RAB37: variants seen among roughly 807,000 people sequenced by gnomAD.
RAB37 encodes the protein ras-related protein Rab-37.
Under a neutral mutation model 33.1 loss-of-function variants are expected in RAB37, and 29 were observed. The ratio of observed to expected loss-of-function variants is 0.88; its 90% CI spans 0.65 to 1.20. The LOEUF (loss-of-function observed/expected upper bound fraction) is 1.20, where lower values mean the gene tolerates loss of function less well. RAB37 is among the 50% of genes most tolerant of loss of function. RAB37 has a pLI of 0.00. For missense variants in RAB37, 299 were observed against 301.1 expected (o/e 0.99, Z 0.05); for synonymous variants, 128 against 119.5 (o/e 1.07, Z -0.47).
At chr17:74,674,955 G>A (rs2031793099) in intron 1 of RAB37, among the ~76,000 whole-genome samples, 1 of 152,172 alleles carries the variant, frequency 6.6e-6, no homozygotes, top group African/African-American at 2.4e-5. Context: ...AAGAGATATT[G>A]TCGTATGATG....
At chr17:74,737,088 C>A (rs1430262330), upstream of RAB37, 3 of 1,605,058 alleles carry the variant, frequency 1.9e-6, no homozygotes, top group East Asian at 2.2e-5. Context: ...GCAGACCCTG[C>A]GGCTCTGCGT....
At chr17:74,699,793 A>G (rs1277395614) in intron 1 of RAB37, among the ~76,000 whole-genome samples, 1 of 152,108 alleles carries the variant, frequency 6.6e-6, no homozygotes, top group African/African-American at 2.4e-5. Flanking sequence ...TCATTGCCAC[A>G]GCAGCCGGGG....
chr17:74,731,487 G>C (rs1344376791), intron 2 of RAB37, among the ~76,000 whole-genome samples: 1 of 152,200 alleles, frequency 6.6e-6, no homozygotes, highest in Non-Finnish European at 1.5e-5. Flanking sequence ...CCCAGGTCCT[G>C]TGTAGATGCC....
intron 1 of RAB37, among the ~76,000 whole-genome samples, chr17:74,720,677 A>G (rs544221309): frequency 1.3e-5 from 2 of 152,312 alleles, no homozygotes; most frequent in East Asian, 3.9e-4. Flanking sequence ...AGCTCAGCGG[A>G]GAGTCAAGGT....
intron 2 of RAB37, among the ~76,000 whole-genome samples, chr17:74,731,479 C>T (rs1364887903): frequency 6.6e-6 from 1 of 152,182 alleles, no homozygotes; most frequent in African/African-American, 2.4e-5. Context: ...GGGACCTGCC[C>T]AGGTCCTGTG....
intron 1 of RAB37, among the ~76,000 whole-genome samples, chr17:74,696,447 C>T (rs2032484585): frequency 1.3e-5 from 2 of 152,332 alleles, no homozygotes; most frequent in African/African-American, 4.8e-5. Flanking sequence ...ACCCCAGCCC[C>T]CTGCTCCCCA....
chr17:74,715,162 C>T (rs1218535726), intron 1 of RAB37, among the ~76,000 whole-genome samples: 1 of 152,102 alleles, frequency 6.6e-6, no homozygotes, highest in Non-Finnish European at 1.5e-5. Flanking sequence ...AAGGATTAGA[C>T]CTTTCTCACC....
chr17:74,739,516 T>A (rs2034556029), intron 1 of RAB37, among the ~76,000 whole-genome samples: 1 of 149,938 alleles, frequency 6.7e-6, no homozygotes, highest in Non-Finnish European at 1.5e-5. Flanking sequence ...CTTCCCTAAT[T>A]CATGCAACCT....
At chr17:74,735,260 C>A (rs1044892909), upstream of RAB37, among the ~76,000 whole-genome samples, 5 of 151,986 alleles carry the variant, frequency 3.3e-5, no homozygotes, top group African/African-American at 1.2e-4. Context: ...GCATACCAGG[C>A]CAGGTGCGGT....
intron 1 of RAB37, among the ~76,000 whole-genome samples, chr17:74,679,442 T>C (rs1294002756): frequency 6.6e-6 from 1 of 152,142 alleles, no homozygotes. Context: ...CCACCTCAGG[T>C]TTCATTTGGT....
intron 1 of RAB37, among the ~76,000 whole-genome samples, chr17:74,675,998 T>C (rs542065625): frequency 6.6e-6 from 1 of 152,198 alleles, no homozygotes; most frequent in Non-Finnish European, 1.5e-5. Flanking sequence ...ACCTGGCTGC[T>C]CTTTTCCTTA....
At position 74,738,046 on chromosome 17, in the gene RAB37, G is replaced by T. The variant is rs1038460635; in HGVS notation, c.93+681G>T. On this transcript the variant is annotated intron_variant, in intron 1 of 8. Coordinates refer to ENST00000392613, the MANE Select transcript of RAB37 (RefSeq NM_001006638.3). The surrounding 1 kb of genome is among the most constrained non-coding windows in gnomAD (Gnocchi z 5.0). ...CTCTCTGGGGCTTGCTCCCTCTACA[G>T]GGGTGTCCTGTATGGAAACAGGTAG... Among the ~76,000 whole-genome samples, 2 of 152,194 alleles carry T rather than the reference G, an allele frequency of 1.3e-5. No homozygotes were observed. Among genetic ancestry groups the T allele is most frequent in the Admixed American group, 1.3e-4 (2 of 15,280 alleles).
rs138467314 is a variant in RAB37 at position 74,708,628 on chromosome 17, A to C, written c.73-20628A>C. Reference sequence around the variant, plus strand: ...AATGGTTTTTAACATTAAAAAATCAATAAGGAGGCTGGACGCGGTGGCTTA... The same window carrying C: ...AATGGTTTTTAACATTAAAAAATCACTAAGGAGGCTGGACGCGGTGGCTTA... On this transcript the variant is annotated intron_variant, in intron 1 of 7. Coordinates refer to the RAB37 transcript ENST00000340415. Among the ~76,000 whole-genome samples, 10 of 152,362 alleles carry C rather than the reference A, an allele frequency of 6.6e-5. No homozygotes were observed. The East Asian group carries it at 1.9e-3, about 29-fold the overall frequency.
At chr17:74,708,912 T>C (rs1224250705) in intron 1 of RAB37, among the ~76,000 whole-genome samples, 1 of 128,450 alleles carries the variant, frequency 7.8e-6, no homozygotes, top group South Asian at 2.5e-4. Context: ...CAAGACTCCG[T>C]CTCAAAAAAA....
chr17:74,745,500 A>T lies in RAB37; in HGVS notation c.*89A>T, dbSNP rs1165890026. 9.3e-7 allele frequency: 1 copy of T among 1,073,634 alleles called. No homozygotes were observed. The allele number at this position is 1,073,634 out of a possible 1,614,324, so 66.5% of individuals were successfully genotyped here. A position where few individuals can be genotyped will look rare whatever the true frequency, so the allele number is the denominator to read the frequency against. Reference sequence around the variant, plus strand: ...TGGCTTATTCCAAGAGGCTGAGCCAATGGGGAGAAAGATGGAGGACTCACT... The same window carrying T: ...TGGCTTATTCCAAGAGGCTGAGCCATTGGGGAGAAAGATGGAGGACTCACT... On this transcript the variant is annotated 3_prime_UTR_variant, in exon 9 of 9. Transcript: ENST00000392613. The surrounding 1 kb of genome is among the most constrained non-coding windows in gnomAD (Gnocchi z 4.5).
chr17:74,703,268 AG>A, intron 1 of RAB37: 2 of 686,588 alleles, frequency 2.9e-6, no homozygotes, highest in Admixed American at 2.7e-5. Flanking sequence ...AAGGGGCTGC[AG>A]CCTGGACCAC....
At chr17:74,673,316 T>C (rs528617760) in intron 1 of RAB37, among the ~76,000 whole-genome samples, 9 of 151,634 alleles carry the variant, frequency 5.9e-5, no homozygotes, top group African/African-American at 2.2e-4. Context: ...GGCAGGAGAA[T>C]TGCTTGAGCC....
intron 1 of RAB37, among the ~76,000 whole-genome samples, chr17:74,696,020 C>A (rs1002534356): frequency 6.6e-6 from 1 of 152,184 alleles, no homozygotes. Flanking sequence ...CCCCTCAGCC[C>A]TTGTCCCCCT....
At chr17:74,728,295 CTG>C (rs763155948) in intron 1 of RAB37, among the ~76,000 whole-genome samples, 5 of 150,488 alleles carry the variant, frequency 3.3e-5, no homozygotes, top group African/African-American at 1.2e-4. Context: ...TGTGTGTGTT[CTG>C]TGTGTATGTG....
Sources: gnomAD v4.1 joint callset for allele counts (sites outside exome capture counted in the v4.1 genomes callset) on GRCh38, gnomAD v4.1.1 for gene constraint, Gnocchi (gnomAD v3.1) non-coding constraint, MANE v1.5 for transcripts, NCBI Gene and HGNC (gene_info 2026-07-23, HGNC 2026-07-21) for gene names.